Variants in DLG2 observed in about 807,000 individuals in gnomAD.
DLG2 encodes the protein discs large MAGUK scaffold protein 2.
DLG2 carries 45 observed loss-of-function variants against 132.5 expected under a neutral mutation model. That is an observed-to-expected ratio of 0.34 (90% CI 0.27 to 0.44). The LOEUF is 0.44. Ranked by LOEUF, DLG2 falls within the 20% of genes least tolerant of loss-of-function variation. The pLI, the probability that DLG2 is intolerant of heterozygous loss-of-function variation, is 1.00. For missense variants in DLG2, 1,045 were observed against 1,196.9 expected, an observed-to-expected ratio of 0.87 and a Z score of 1.87; for synonymous variants, 424 against 419.6, an observed-to-expected ratio of 1.01 and a Z score of -0.13.
chr11:83,889,037 T>C (rs1479914956), intron 15 of DLG2, among the ~76,000 whole-genome samples: 29 of 152,114 alleles, frequency 1.9e-4, no homozygotes, highest in Non-Finnish European at 8.8e-5. Flanking sequence ...ATTCAGGACA[T>C]AGGCATGGGC....
intron 6 of DLG2, among the ~76,000 whole-genome samples, chr11:84,994,208 G>A (rs966556703): frequency 7.2e-5 from 11 of 152,084 alleles, no homozygotes; most frequent in Admixed American, 6.6e-4. Flanking sequence ...TAATACAAAC[G>A]TGAGCCTCAG....
Position 84,109,514 on chromosome 11 carries a change from T to C in DLG2, c.625-10467A>G, listed in dbSNP as rs370263796. On this transcript the variant is annotated intron_variant, in intron 9 of 27. Transcript: ENST00000376104. Reference sequence around the variant, plus strand: ...GGGATCAAATATAATATTTAAGCTGTTAATTCTTAAGATCTGATTTAAGAT... The same window carrying C: ...GGGATCAAATATAATATTTAAGCTGCTAATTCTTAAGATCTGATTTAAGAT... 7.9e-5 allele frequency among the ~76,000 whole-genome samples: 12 copies of C among 152,334 alleles called. No homozygotes were observed. The East Asian group carries it at 2.1e-3, about 27-fold the overall frequency.
At position 85,208,443 on chromosome 11, in the gene DLG2, GA is replaced by G. The variant is rs889921817; in HGVS notation, c.187-53793del. Among the ~76,000 whole-genome samples the G allele has an allele frequency of 4.3e-4, 62 of 145,148 alleles. 1 individual carries two copies. In the Middle Eastern group the frequency reaches 0.025, roughly 58 times the overall value. ...TTTGTTAAGATAGCTAAGGCATGCA[GA>G]AAAAAAAAACAATTTCAATTTCAAT... On this transcript the variant is annotated intron_variant, in intron 4 of 27. Transcript: ENST00000376104.
At chr11:85,519,435 T>C (rs1310522263) in intron 3 of DLG2, among the ~76,000 whole-genome samples, 1 of 152,202 alleles carries the variant, frequency 6.6e-6, no homozygotes, top group Non-Finnish European at 1.5e-5. Flanking sequence ...CGGACTTGCA[T>C]GGGGCCTGTA....
intron 3 of DLG2, among the ~76,000 whole-genome samples, chr11:85,302,876 T>TA (rs1365189134): frequency 6.6e-6 from 1 of 152,182 alleles, no homozygotes; most frequent in African/African-American, 2.4e-5. Context: ...CCAGACATGA[T>TA]AAAAAATTCA....
chr11:83,663,075 T>C (rs1566389013), intron 18 of DLG2, among the ~76,000 whole-genome samples: 1 of 152,232 alleles, frequency 6.6e-6, no homozygotes, highest in African/African-American at 2.4e-5. Context: ...TACATTGCTT[T>C]CTGCTTAAAA....
At chr11:85,462,047 A>G (rs555140241) in intron 3 of DLG2, among the ~76,000 whole-genome samples, 132 of 152,370 alleles carry the variant, frequency 8.7e-4, no homozygotes, top group African/African-American at 3.0e-3. Flanking sequence ...GACACATGAA[A>G]ACATGCTCAT....
intron 6 of DLG2, among the ~76,000 whole-genome samples, chr11:85,050,414 T>A (rs539705298): frequency 1.3e-5 from 2 of 152,174 alleles, no homozygotes; most frequent in African/African-American, 4.8e-5. Flanking sequence ...TACCTAGGCT[T>A]TCCAAAGAAA....
chr11:83,722,204 T>C (rs2153686232), intron 18 of DLG2, among the ~76,000 whole-genome samples: 1 of 152,324 alleles, frequency 6.6e-6, no homozygotes, highest in South Asian at 2.1e-4. Flanking sequence ...GGAAAGTTTA[T>C]GGGTCAATCA....
chr11:84,987,724 G>A (rs968347684), intron 6 of DLG2, among the ~76,000 whole-genome samples: 1 of 152,166 alleles, frequency 6.6e-6, no homozygotes, highest in Non-Finnish European at 1.5e-5. Context: ...ACATGTAAGA[G>A]AATGAAACTG....
intron 5 of DLG2, among the ~76,000 whole-genome samples, chr11:85,127,247 C>T: frequency 7.5e-6 from 1 of 132,572 alleles, no homozygotes; most frequent in Non-Finnish European, 1.6e-5. Context: ...CCCCCGCCCC[C>T]CACCCACTCT....
At position 84,098,932 on chromosome 11, in the gene DLG2, C is replaced by T; in HGVS notation, c.740G>A (p.Gly247Asp). The change falls in exon 10 of 28, where the codon GGC becomes GAC. Residue 247 changes from glycine (G) to aspartate (D), a missense_variant. This residue lies in a region of DLG2 where 109 missense variants were observed against 159.1 expected (regional missense o/e 0.69). Coordinates refer to ENST00000376104, the MANE Select transcript of DLG2 (RefSeq NM_001142699.3). ...IIPGGAAAED[G>D]RLRVNDCILR... ...TGTTTCAGATCTTTACCTGAGTCTGCCATCCTCTGCTGCAGCACCTCCTGG... is the reference window on the plus strand; with the variant it reads ...TGTTTCAGATCTTTACCTGAGTCTGTCATCCTCTGCTGCAGCACCTCCTGG... 2 of 1,612,786 alleles carry T rather than the reference C, an allele frequency of 1.2e-6. No homozygotes were observed. The highest frequency in any genetic ancestry group is 1.7e-6 in the Non-Finnish European group (2 of 1,179,502).
intron 15 of DLG2, among the ~76,000 whole-genome samples, chr11:83,903,953 T>C (rs932801888): frequency 6.6e-6 from 1 of 152,186 alleles, no homozygotes; most frequent in Admixed American, 6.6e-5. Flanking sequence ...ACTTGATTTA[T>C]AAATTAGACA....
intron 3 of DLG2, among the ~76,000 whole-genome samples, chr11:85,352,718 C>G (rs537950346): frequency 7.2e-5 from 11 of 152,108 alleles, no homozygotes; most frequent in South Asian, 2.1e-4. Flanking sequence ...ACAAACCTGA[C>G]AAAAACAAGA....
chr11:83,780,580 A>G (rs189003451), intron 18 of DLG2, among the ~76,000 whole-genome samples: 1 of 152,266 alleles, frequency 6.6e-6, no homozygotes, highest in East Asian at 1.9e-4. Flanking sequence ...CTTCATCCCA[A>G]CTCACTGCTT....
chr11:85,015,250 G>T (rs2059476555), intron 6 of DLG2, among the ~76,000 whole-genome samples: 1 of 152,096 alleles, frequency 6.6e-6, no homozygotes, highest in Non-Finnish European at 1.5e-5. Flanking sequence ...ACATTCATTT[G>T]CTATGTTTTA....
At chr11:84,617,991 TA>T (rs1177078488) in intron 6 of DLG2, among the ~76,000 whole-genome samples, 3 of 152,020 alleles carry the variant, frequency 2.0e-5, no homozygotes, top group Admixed American at 2.0e-4. Flanking sequence ...GAAGGGCACT[TA>T]AACCAGTCTT....
chr11:83,968,154 C>T (rs2154162796), intron 12 of DLG2, among the ~76,000 whole-genome samples: 1 of 152,286 alleles, frequency 6.6e-6, no homozygotes, highest in East Asian at 1.9e-4. Context: ...TACACATTAT[C>T]TATACTATCT....
intron 16 of DLG2, among the ~76,000 whole-genome samples, chr11:83,859,856 C>T (rs970498344): frequency 7.9e-5 from 12 of 152,236 alleles, no homozygotes; most frequent in East Asian, 3.9e-4. Flanking sequence ...GTCCCTCTTC[C>T]GTGTGCAGTC....
Sources: gnomAD v4.1 joint callset for allele counts (sites outside exome capture counted in the v4.1 genomes callset) on GRCh38, gnomAD v4.1.1 for gene constraint, gnomAD v4.1.1 regional missense constraint, MANE v1.5 for transcripts, NCBI Gene and HGNC (gene_info 2026-07-23, HGNC 2026-07-21) for gene names.